CAST: variants seen among roughly 807,000 people sequenced by gnomAD.
The protein encoded by CAST is calpastatin, also known as MIR583 host.
CAST carries 76 observed loss-of-function variants against 119.6 expected under a neutral mutation model. The observed-to-expected ratio is 0.64, with a 90% CI of 0.53 to 0.77. CAST has a LOEUF of 0.77. Among genes scored for constraint, CAST ranks in the 30% least tolerant of loss-of-function variants. The probability of loss-of-function intolerance (pLI) is 0.00; values close to 1 mark genes in which losing one functional copy is unlikely to be tolerated. For missense variants in CAST, 953 were observed against 946.5 expected (o/e 1.01, Z -0.09); for synonymous variants, 319 against 331.6 (o/e 0.96, Z 0.41).
At chr5:96,532,316 A>C (rs1243397333) in intron 1 of CAST, among the ~76,000 whole-genome samples, 1 of 152,228 alleles carries the variant, frequency 6.6e-6, no homozygotes, top group Non-Finnish European at 1.5e-5. Flanking sequence ...TGTTTGCACA[A>C]GATGTTGCAC....
At chr5:96,450,439 G>A in the CAST span, among the ~76,000 whole-genome samples, 1 of 152,092 alleles carries the variant, frequency 6.6e-6, no homozygotes, top group African/African-American at 2.4e-5. Flanking sequence ...GACTCCAAAA[G>A]GTGGGAGGGT....
At chr5:96,336,260 T>C in the CAST span, among the ~76,000 whole-genome samples, 5 of 152,342 alleles carry the variant, frequency 3.3e-5, no homozygotes, top group African/African-American at 1.2e-4. Flanking sequence ...TTCTGTTCTT[T>C]ACTTGCACAT....
At chr5:96,200,346 G>T in the CAST span, among the ~76,000 whole-genome samples, 2 of 152,140 alleles carry the variant, frequency 1.3e-5, no homozygotes, top group Non-Finnish European at 2.9e-5. Context: ...CATTTAAGAT[G>T]ATGATTGCTC....
At chr5:96,087,823 C>T in the CAST span, among the ~76,000 whole-genome samples, 1 of 152,174 alleles carries the variant, frequency 6.6e-6, no homozygotes, top group Non-Finnish European at 1.5e-5. Context: ...CTCTACCCAG[C>T]AACCTCCAAC....
chr5:96,614,190 T>G (rs1419315173), intron 1 of CAST, among the ~76,000 whole-genome samples: 5 of 152,210 alleles, frequency 3.3e-5, no homozygotes, highest in African/African-American at 1.2e-4. Context: ...AGGTGAGAAC[T>G]CCACCAGATG....
chr5:96,269,498 C>G, the CAST span, among the ~76,000 whole-genome samples: 3 of 152,096 alleles, frequency 2.0e-5, no homozygotes, highest in Non-Finnish European at 4.4e-5. Context: ...CACCCAGCTG[C>G]TACAGAATAC....
the CAST span, among the ~76,000 whole-genome samples, chr5:96,438,961 C>T: frequency 6.6e-6 from 1 of 152,098 alleles, no homozygotes; most frequent in South Asian, 2.1e-4. Flanking sequence ...GTGAAATAAT[C>T]CATTTAAGAT....
chr5:96,363,021 A>T, the CAST span, among the ~76,000 whole-genome samples: 1 of 150,780 alleles, frequency 6.6e-6, no homozygotes, highest in Non-Finnish European at 1.5e-5. Context: ...ATAAGGTGTA[A>T]GGAAGGGATC....
the CAST span, among the ~76,000 whole-genome samples, chr5:96,111,384 G>C: frequency 6.6e-6 from 1 of 152,182 alleles, no homozygotes; most frequent in African/African-American, 2.4e-5. Flanking sequence ...TTGCTTAGGG[G>C]TTTTATGAAG....
chr5:96,663,708 C>T lies in CAST; in HGVS notation c.75+1211C>T, dbSNP rs1433880801. On this transcript the variant is annotated intron_variant, in intron 1 of 31. Coordinates refer to ENST00000675179, the MANE Select transcript of CAST (RefSeq NM_001750.7). ...CTGAGACCAAGACCCTTGGAGAGAG[C>T]GGTGGAGGGGTGGAGGAAAGAAAGC... 2.6e-5 allele frequency among the ~76,000 whole-genome samples: 4 copies of T among 151,694 alleles called. No individual in the cohort carries two copies. In the East Asian group the frequency reaches 5.8e-4, roughly 22 times the overall value.
At chr5:96,666,687 G>A (rs761950215) in intron 1 of CAST, among the ~76,000 whole-genome samples, 2 of 152,176 alleles carry the variant, frequency 1.3e-5, no homozygotes, top group Non-Finnish European at 2.9e-5. Context: ...ATTAGTTCGC[G>A]CCCCATTGTG....
chr5:96,613,274 T>C (rs1013642228), intron 1 of CAST, among the ~76,000 whole-genome samples: 1 of 152,218 alleles, frequency 6.6e-6, no homozygotes, highest in Non-Finnish European at 1.5e-5. Flanking sequence ...TAGATGGATT[T>C]GAAGATGAAT....
chr5:96,480,256 T>C, the CAST span, among the ~76,000 whole-genome samples: 1 of 152,060 alleles, frequency 6.6e-6, no homozygotes, highest in Non-Finnish European at 1.5e-5. Flanking sequence ...TTCAGGAATA[T>C]GGTAGTAAAA....
At chr5:96,407,199 A>T in the CAST span, among the ~76,000 whole-genome samples, 3,078 of 152,306 alleles carry the variant, frequency 0.02, 118 homozygotes, top group African/African-American at 0.071. Context: ...ATACATATTA[A>T]CTACATTTCA....
the CAST span, among the ~76,000 whole-genome samples, chr5:96,030,836 G>C: frequency 6.6e-6 from 1 of 152,142 alleles, no homozygotes; most frequent in African/African-American, 2.4e-5. Context: ...CTTGAGGCCA[G>C]GAGTTGAAAA....
the CAST span, among the ~76,000 whole-genome samples, chr5:96,145,264 T>A: frequency 5.8e-3 from 879 of 152,324 alleles, 8 homozygotes; most frequent in African/African-American, 0.021. Context: ...CTGGTAATCA[T>A]GTTCTTGATC....
the CAST span, among the ~76,000 whole-genome samples, chr5:96,446,533 T>C: frequency 6.6e-6 from 1 of 152,180 alleles, no homozygotes; most frequent in Non-Finnish European, 1.5e-5. Context: ...AGGAATTGCT[T>C]CAGAGAGGAT....
chr5:96,681,910 G>C (rs1751477456), intron 2 of CAST, among the ~76,000 whole-genome samples: 1 of 151,932 alleles, frequency 6.6e-6, no homozygotes. Flanking sequence ...TTTATCAGCT[G>C]TTTCGCTTTT....
the CAST span, among the ~76,000 whole-genome samples, chr5:96,463,656 A>G: frequency 6.6e-6 from 1 of 152,050 alleles, no homozygotes; most frequent in Non-Finnish European, 1.5e-5. Flanking sequence ...GTGTTAAAGG[A>G]CTATTTAAAT....
Sources: allele counts gnomAD v4.1 joint callset (sites outside exome capture counted in the v4.1 genomes callset), GRCh38; gene constraint gnomAD v4.1.1; transcripts MANE v1.5; gene names NCBI Gene and HGNC (gene_info 2026-07-23, HGNC 2026-07-21).